SPTLC1: variants seen among roughly 807,000 people sequenced by gnomAD.
The protein encoded by SPTLC1 is serine palmitoyltransferase long chain base subunit 1, also known as serine palmitoyltransferase 1.
Under a neutral mutation model 68.9 loss-of-function variants are expected in SPTLC1, and 55 were observed. That is an observed-to-expected ratio of 0.80 (90% CI 0.64 to 1.00). SPTLC1 has a LOEUF of 1.00. Among genes scored for constraint, SPTLC1 ranks in the 50% least tolerant of loss-of-function variants. The probability of loss-of-function intolerance (pLI) is 0.00; values close to 1 mark genes in which losing one functional copy is unlikely to be tolerated. For missense variants in SPTLC1, 449 were observed against 573.1 expected (o/e 0.78, Z 2.21); for synonymous variants, 197 against 201.6 (o/e 0.98, Z 0.19).
chr9:92,090,171 G>A (rs573409270), intron 3 of SPTLC1, among the ~76,000 whole-genome samples: 15 of 152,222 alleles, frequency 9.9e-5, no homozygotes, highest in Admixed American at 3.3e-4. Flanking sequence ...GGTAAAGAAG[G>A]TGATTCTCAA....
Position 92,032,103 on chromosome 9 carries a change from C to T in SPTLC1, c.*362G>A. 1 of 611,834 alleles carries T rather than the reference C, an allele frequency of 1.6e-6. No individual in the cohort carries two copies. The highest frequency in any genetic ancestry group is 2.8e-5 in the East Asian group (1 of 35,586). The allele number at this position is 611,834 out of a possible 1,614,324, so 37.9% of individuals were successfully genotyped here. On this transcript the variant is annotated 3_prime_UTR_variant, in exon 15 of 15. Transcript: ENST00000262554. Reference sequence around the variant, plus strand: ...TTAAGGAGTGCTTACTGAACCATTACTATTAGAGGGAGGGAAGAGACACTG... The same window carrying T: ...TTAAGGAGTGCTTACTGAACCATTATTATTAGAGGGAGGGAAGAGACACTG...
chr9:92,087,617 G>C (rs1332145206), intron 3 of SPTLC1, among the ~76,000 whole-genome samples: 1 of 152,196 alleles, frequency 6.6e-6, no homozygotes, highest in African/African-American at 2.4e-5. Flanking sequence ...TTGTCTCAGA[G>C]GAGTACCCAG....
Position 92,032,332 on chromosome 9 carries a change from T to C in SPTLC1, c.*133A>G, listed in dbSNP as rs771433261. On this transcript the variant is annotated 3_prime_UTR_variant, in exon 15 of 15. Transcript: ENST00000262554. The stretch of plus-strand genomic sequence containing the variant: ...TCATGGTCACACAATTGGTCCATAC[T>C]GACACCATTTGGTAACAATCCTATC... The C allele has an allele frequency of 3.2e-6, 5 of 1,555,488 alleles. No individual in the cohort carries two copies. In the African/African-American group the frequency reaches 4.1e-5, roughly 13 times the overall value.
chr9:92,114,202 C>G (rs985264950), intron 1 of SPTLC1, among the ~76,000 whole-genome samples: 1 of 151,914 alleles, frequency 6.6e-6, no homozygotes, highest in Non-Finnish European at 1.5e-5. Context: ...TCTGGGAGGT[C>G]AACGCAGCAG....
chr9:92,080,228 A>G, intron 4 of SPTLC1, 140 bp from the exon 5 acceptor site: 1 of 699,980 alleles, frequency 1.4e-6, no homozygotes, highest in Non-Finnish European at 2.5e-6. Flanking sequence ...AGGTGTAAAG[A>G]CTGAGTATAT....
At chr9:92,057,630 T>A (rs1458197647) in intron 7 of SPTLC1, among the ~76,000 whole-genome samples, 1 of 152,220 alleles carries the variant, frequency 6.6e-6, no homozygotes, top group Non-Finnish European at 1.5e-5. Flanking sequence ...ACTGTTCATA[T>A]CCACTGACCA....
At position 92,031,372 on chromosome 9, in the gene SPTLC1, C is replaced by T. The variant is rs1057515685; in HGVS notation, c.*1093G>A. The T allele has an allele frequency of 5.2e-5, 8 of 152,490 alleles. No individual in the cohort carries two copies. Among genetic ancestry groups the T allele is most frequent in the Non-Finnish European group, 1.2e-4 (8 of 68,006 alleles). The allele number at this position is 152,490 out of a possible 1,614,324, so 9.4% of individuals were successfully genotyped here. A position where few individuals can be genotyped will look rare whatever the true frequency, so the allele number is the denominator to read the frequency against. ...TTATAAAAATCACAATTTTATTCTT[C>T]TACCTTTAACAAGAGAAGGAATGAT... On this transcript the variant is annotated 3_prime_UTR_variant, in exon 15 of 15. Coordinates refer to ENST00000262554, the MANE Select transcript of SPTLC1 (RefSeq NM_006415.4).
intron 6 of SPTLC1, among the ~76,000 whole-genome samples, chr9:92,060,127 C>T (rs12343645): frequency 0.11 from 16,222 of 152,018 alleles, 1,854 homozygotes; most frequent in African/African-American, 0.29. Context: ...CAATGGAGGC[C>T]GAGTAGGGCC....
intron 8 of SPTLC1, chr9:92,050,811 A>ATTTTTTTTTTTTTTTTTTTTTT (rs370967911): frequency 2.9e-5 from 3 of 104,978 alleles, no homozygotes; most frequent in Non-Finnish European, 3.4e-5. Context: ...CACAATACTG[A>ATTTTTTTTTTTTTTTTTTTTTT]TTTTTTTTTT....
At chr9:92,048,060 G>A (rs1227978450) in intron 9 of SPTLC1, among the ~76,000 whole-genome samples, 1 of 152,156 alleles carries the variant, frequency 6.6e-6, no homozygotes, top group Admixed American at 6.5e-5. Context: ...TAAAACAGTG[G>A]TCTAGCTGGC....
At chr9:92,076,145 ACT>A (rs1478251048) in intron 5 of SPTLC1, among the ~76,000 whole-genome samples, 26 of 152,186 alleles carry the variant, frequency 1.7e-4, no homozygotes, top group African/African-American at 5.5e-4. Context: ...TATCTAATTG[ACT>A]CTAAATACGC....
intron 13 of SPTLC1, 55 bp downstream of exon 13, chr9:92,038,193 T>C: frequency 1.7e-6 from 2 of 1,203,454 alleles, no homozygotes. Flanking sequence ...AAAAAATTGC[T>C]TGGGGCAAGG....
In SPTLC1 at chr9:92,085,207, A is replaced by G. The variant is rs1321416120; in HGVS notation, c.261-4244T>C. ...CAAAAAACCAGCTCCTGGATTCATT[A>G]ATTTTTTGAAGGGTTTTTTGTGTCT... On this transcript the variant is annotated intron_variant, in intron 3 of 14. Transcript: ENST00000262554. Among the ~76,000 whole-genome samples, 33 of 150,356 alleles carry G rather than the reference A, an allele frequency of 2.2e-4. No individual in the cohort carries two copies. The East Asian group carries it at 2.4e-3, about 11-fold the overall frequency.
rs1832971444 is a variant in SPTLC1, at chr9:92,031,796, A to G, written c.*669T>C. The G allele has an allele frequency of 6.5e-6, 1 of 153,438 alleles. No homozygotes were observed. The highest frequency in any genetic ancestry group is 1.5e-5 in the Non-Finnish European group (1 of 68,624). The allele number at this position is 153,438 out of a possible 1,614,324, so 9.5% of individuals were successfully genotyped here. ...TAGCTTCTGATTTAAATTATTGCTC[A>G]CTTAGGAAGTATAATGAATATTCTC... On this transcript the variant is annotated 3_prime_UTR_variant, in exon 15 of 15. Transcript: ENST00000262554.
At chr9:92,114,096 A>AGCCC (rs1836342041) in intron 1 of SPTLC1, among the ~76,000 whole-genome samples, 1 of 151,696 alleles carries the variant, frequency 6.6e-6, no homozygotes. Context: ...CAACACAGCA[A>AGCCC]GCCCCCGTCT....
chr9:92,101,124 A>G (rs186798672), intron 3 of SPTLC1, among the ~76,000 whole-genome samples: 2 of 152,200 alleles, frequency 1.3e-5, no homozygotes, highest in Non-Finnish European at 2.9e-5. Flanking sequence ...AAATTTTCAA[A>G]TTGCCTTAAA....
chr9:92,106,271 T>C (rs7847966), intron 3 of SPTLC1, among the ~76,000 whole-genome samples: 28,329 of 151,686 alleles, frequency 0.19, 4,584 homozygotes, highest in African/African-American at 0.43. Flanking sequence ...AAAAGGAGAT[T>C]GAGATCATTC....
intron 5 of SPTLC1, among the ~76,000 whole-genome samples, chr9:92,076,266 G>A (rs1400203714): frequency 1.3e-5 from 2 of 152,064 alleles, no homozygotes; most frequent in Non-Finnish European, 2.9e-5. Flanking sequence ...CCTTAAAGCT[G>A]CCCTCCTTCC....
intron 13 of SPTLC1, among the ~76,000 whole-genome samples, chr9:92,036,415 G>C (rs1833143724): frequency 6.6e-6 from 1 of 152,230 alleles, no homozygotes; most frequent in Non-Finnish European, 1.5e-5. Context: ...TAAGACTTTA[G>C]CTGTTGCTAT....
Sources: allele counts gnomAD v4.1 joint callset (sites outside exome capture counted in the v4.1 genomes callset), GRCh38; gene constraint gnomAD v4.1.1; transcripts MANE v1.5; gene names NCBI Gene and HGNC (gene_info 2026-07-23, HGNC 2026-07-21).